Variants in ZNF804A observed in about 807,000 individuals in gnomAD.
ZNF804A encodes the protein zinc finger protein 804A.
A neutral mutation model predicts 16.5 loss-of-function variants in ZNF804A; 2 were observed. That is an observed-to-expected ratio of 0.12 (90% CI 0.05 to 0.38). ZNF804A has a LOEUF of 0.38. Ranked by LOEUF, ZNF804A falls within the 10% of genes least tolerant of loss-of-function variation. The pLI is 0.99. For missense variants in ZNF804A, 1,473 were observed against 1,390.7 expected, an observed-to-expected ratio of 1.06 and a Z score of -0.94; for synonymous variants, 534 against 489.6, an observed-to-expected ratio of 1.09 and a Z score of -1.20.
At chr2:184,656,841 G>A (rs562304434) in intron 1 of ZNF804A, among the ~76,000 whole-genome samples, 63 of 152,092 alleles carry the variant, frequency 4.1e-4, no homozygotes, top group Non-Finnish European at 7.4e-4. Flanking sequence ...CAGGTGGTCT[G>A]TTGGGAGCAG....
intron 1 of ZNF804A, among the ~76,000 whole-genome samples, chr2:184,823,695 A>G (rs1238734805): frequency 2.0e-5 from 3 of 152,138 alleles, no homozygotes; most frequent in Non-Finnish European, 4.4e-5. Context: ...CTTCAGATAC[A>G]TGAATTTCAT....
At chr2:184,846,541 C>T (rs1332207996) in intron 1 of ZNF804A, among the ~76,000 whole-genome samples, 1 of 151,950 alleles carries the variant, frequency 6.6e-6, no homozygotes, top group African/African-American at 2.4e-5. Context: ...ATACAACATA[C>T]CTCAGCTAGT....
intron 1 of ZNF804A, among the ~76,000 whole-genome samples, chr2:184,749,835 T>C (rs1193598648): frequency 6.6e-6 from 1 of 151,274 alleles, no homozygotes; most frequent in African/African-American, 2.4e-5. Context: ...ATTTTTCATG[T>C]ATTCAGCTTT....
intron 2 of ZNF804A, among the ~76,000 whole-genome samples, chr2:184,913,371 T>C (rs1685393516): frequency 6.6e-6 from 1 of 152,216 alleles, no homozygotes; most frequent in East Asian, 1.9e-4. Context: ...CTTTATTTCT[T>C]TGTATGACTT....
chr2:184,884,331 C>G (rs758628025), intron 2 of ZNF804A, among the ~76,000 whole-genome samples: 2 of 152,124 alleles, frequency 1.3e-5, no homozygotes, highest in Non-Finnish European at 2.9e-5. Context: ...ATTTCATTCT[C>G]ATGGGTAGGA....
chr2:184,612,945 G>A (rs1026698964), intron 1 of ZNF804A, among the ~76,000 whole-genome samples: 4 of 152,162 alleles, frequency 2.6e-5, no homozygotes, highest in African/African-American at 4.8e-5. Flanking sequence ...GCAACAGCTA[G>A]CATTATATAA....
chr2:184,875,820 C>T (rs1320496871), intron 2 of ZNF804A, among the ~76,000 whole-genome samples: 1 of 150,692 alleles, frequency 6.6e-6, no homozygotes, highest in Non-Finnish European at 1.5e-5. Flanking sequence ...AAAAAAATTT[C>T]CTGTAGACTT....
chr2:184,866,295 A>G lies in ZNF804A; in HGVS notation c.112-74A>G. On this transcript the variant is annotated intron_variant, in intron 1 of 3. Coordinates refer to ENST00000302277, the MANE Select transcript of ZNF804A (RefSeq NM_194250.2). The stretch of plus-strand genomic sequence containing the variant: ...TTTCTAACTCTAATTATTGTACTAT[A>G]GTTGACAACTGCTAAAACAAAGTAA... 4 of 1,408,678 alleles carry G rather than the reference A, an allele frequency of 2.8e-6. No homozygotes were observed. The South Asian group carries it at 4.9e-5, about 17-fold the overall frequency. The allele number at this position is 1,408,678 out of a possible 1,614,324, so 87.3% of individuals were successfully genotyped here.
chr2:184,637,436 C>A (rs916374450), intron 1 of ZNF804A, among the ~76,000 whole-genome samples: 7 of 152,012 alleles, frequency 4.6e-5, no homozygotes, highest in African/African-American at 1.2e-4. Flanking sequence ...AAGTCTTTTC[C>A]ATATTTGCTG....
intron 1 of ZNF804A, among the ~76,000 whole-genome samples, chr2:184,732,252 A>ATTT (rs35367367): frequency 1.5e-4 from 23 of 149,170 alleles, no homozygotes; most frequent in East Asian, 5.9e-4. Flanking sequence ...GTTTAAACTC[A>ATTT]TTTTTTTTTT....
At chr2:184,709,546 A>G (rs1693089611) in intron 1 of ZNF804A, among the ~76,000 whole-genome samples, 1 of 151,832 alleles carries the variant, frequency 6.6e-6, no homozygotes, top group Admixed American at 6.6e-5. Flanking sequence ...TGTATATTTG[A>G]AATATTTAAA....
At chr2:184,631,102 A>G (rs1691601931) in intron 1 of ZNF804A, among the ~76,000 whole-genome samples, 1 of 152,160 alleles carries the variant, frequency 6.6e-6, no homozygotes, top group African/African-American at 2.4e-5. Context: ...ATGTTGATAT[A>G]TTGTTTATTT....
At chr2:184,628,893 A>T (rs1221097015) in intron 1 of ZNF804A, among the ~76,000 whole-genome samples, 27 of 152,186 alleles carry the variant, frequency 1.8e-4, no homozygotes, top group Admixed American at 1.8e-3. Context: ...TGTGGTATTC[A>T]CATACCAAAT....
At chr2:184,749,449 T>C (rs1246104416) in intron 1 of ZNF804A, among the ~76,000 whole-genome samples, 1 of 151,310 alleles carries the variant, frequency 6.6e-6, no homozygotes, top group Non-Finnish European at 1.5e-5. Flanking sequence ...CTTGGTAAAA[T>C]AGTTCATCAG....
intron 1 of ZNF804A, among the ~76,000 whole-genome samples, chr2:184,657,721 G>A (rs980392207): frequency 6.6e-6 from 1 of 152,192 alleles, no homozygotes; most frequent in African/African-American, 2.4e-5. Flanking sequence ...AGTTTGGGCT[G>A]AAAGTTTAAA....
At chr2:184,599,854 G>T (rs920168685) in intron 1 of ZNF804A, among the ~76,000 whole-genome samples, 1 of 152,124 alleles carries the variant, frequency 6.6e-6, no homozygotes, top group Non-Finnish European at 1.5e-5. Flanking sequence ...CAGGATGATT[G>T]CTCCTACTTC....
At chr2:184,669,915 C>T (rs574179591) in intron 1 of ZNF804A, among the ~76,000 whole-genome samples, 2 of 152,042 alleles carry the variant, frequency 1.3e-5, no homozygotes, top group East Asian at 3.9e-4. Flanking sequence ...TTTTTTCTTC[C>T]ATTCTCTTAC....
chr2:184,656,779 A>G (rs1255895413), intron 1 of ZNF804A, among the ~76,000 whole-genome samples: 4 of 152,002 alleles, frequency 2.6e-5, no homozygotes, highest in African/African-American at 7.3e-5. Flanking sequence ...TACATAAAAT[A>G]CAGGACAATC....
At chr2:184,643,402 A>G (rs368452311) in intron 1 of ZNF804A, among the ~76,000 whole-genome samples, 3 of 152,004 alleles carry the variant, frequency 2.0e-5, no homozygotes, top group African/African-American at 7.2e-5. Context: ...AATGTTGTGA[A>G]GAATGTACAA....
Sources: gnomAD v4.1 joint callset for allele counts (sites outside exome capture counted in the v4.1 genomes callset) on GRCh38, gnomAD v4.1.1 for gene constraint, MANE v1.5 for transcripts, NCBI Gene and HGNC (gene_info 2026-07-23, HGNC 2026-07-21) for gene names.